The following SPTBN4 variants were observed in gnomAD, a reference collection of about 807,000 sequenced individuals.
SPTBN4 encodes the protein spectrin beta chain, non-erythrocytic 4.
Under a neutral mutation model 277.8 loss-of-function variants are expected in SPTBN4, and 96 were observed. The observed-to-expected ratio is 0.35, with a 90% confidence interval of 0.29 to 0.41. SPTBN4 has a LOEUF of 0.41. SPTBN4 is among the 10% of genes least tolerant of loss of function. SPTBN4 has a pLI of 1.00. For missense variants in SPTBN4, 3,006 were observed against 3,595.7 expected, an observed-to-expected ratio of 0.84 and a Z score of 4.19; for synonymous variants, 1,481 against 1,580.3, an observed-to-expected ratio of 0.94 and a Z score of 1.49.
chr19:40,519,490 A>C lies in SPTBN4; in HGVS notation c.2993A>C (p.Glu998Ala), dbSNP rs780066183. The C allele has an allele frequency of 1.5e-5, 24 of 1,609,104 alleles. No homozygotes were observed. The highest frequency in any genetic ancestry group is 2.0e-5 in the Non-Finnish European group (23 of 1,178,484). Residue 998 changes from glutamate (E) to alanine (A), a missense_variant, in exon 16 of 36, where the codon GAG (glutamate) becomes GCG (alanine). This residue lies in a region of SPTBN4 where 1,759 missense variants were observed against 2,061.5 expected (regional missense o/e 0.85). Coordinates refer to ENST00000598249, the MANE Select transcript of SPTBN4 (RefSeq NM_020971.3). The surrounding 1 kb of genome is among the most constrained non-coding windows in gnomAD (Gnocchi z 5.7). ...LVENHVLEVAEVRAQVREKRR... is the reference protein window; with the variant it reads ...LVENHVLEVAAVRAQVREKRR... ...GAGAACCACGTGCTGGAGGTGGCCGAGGTGCGCGCCCAGGTGCGTGAGAAG... is the reference window on the plus strand; with the variant it reads ...GAGAACCACGTGCTGGAGGTGGCCGCGGTGCGCGCCCAGGTGCGTGAGAAG...
chr19:40,562,447 T>C (rs2081051958), intron 27 of SPTBN4, among the ~76,000 whole-genome samples: 1 of 150,292 alleles, frequency 6.7e-6, no homozygotes, highest in Admixed American at 6.7e-5. Context: ...GGAGAATTGC[T>C]TGAACCTGGA....
chr19:40,513,521 A>C lies in SPTBN4; in HGVS notation c.2732A>C (p.Asp911Ala). The C allele has an allele frequency of 6.3e-7, 1 of 1,592,866 alleles. No individual in the cohort carries two copies. Among genetic ancestry groups the C allele is most frequent in the Non-Finnish European group, 8.5e-7 (1 of 1,174,824 alleles). ...EQWLLSMRVP[D>A]SLDDVEVVQH... ...TGGCTGCTCTCCATGCGTGTGCCGG[A>C]TTCACTCGACGACGTCGAGGTGGTG... The change falls in exon 14 of 36, where the codon GAT (aspartate) becomes GCT (alanine). Residue 911 changes from aspartate to alanine, a missense_variant. Physicochemically the swap from Asp to Ala is moderately radical, Grantham distance 126. This residue lies in a region of SPTBN4 where 1,759 missense variants were observed against 2,061.5 expected (regional missense o/e 0.85). Coordinates refer to ENST00000598249, the MANE Select transcript of SPTBN4 (RefSeq NM_020971.3).
In SPTBN4 at chr19:40,576,373, G is replaced by A; in HGVS notation, c.*804G>A. 1 of 153,434 alleles carries A rather than the reference G, an allele frequency of 6.5e-6. No individual in the cohort carries two copies. The highest frequency in any genetic ancestry group is 1.5e-5 in the Non-Finnish European group (1 of 68,604). 9.5% of individuals were successfully genotyped at this position (153,434 alleles called of 1,614,324 possible). ...TGGGTTGTGGGCAGTCCCCATGGCC[G>A]CCTGGAGAAGCCGCTGGGGCCCGGG... On this transcript the variant is annotated 3_prime_UTR_variant, in exon 36 of 36. Transcript: ENST00000598249.
intron 2 of SPTBN4, among the ~76,000 whole-genome samples, chr19:40,477,019 G>A (rs529931097): frequency 1.4e-5 from 2 of 145,702 alleles, no homozygotes; most frequent in Non-Finnish European, 3.0e-5. Flanking sequence ...ACTCCCAGCT[G>A]TAGAATTTAT....
chr19:40,512,814 G>A lies in SPTBN4; in HGVS notation c.2025G>A (p.Ala675=). The part of the protein sequence containing the change: ...RLLEAAGGGG[A]AGAAGAAGTA... ...TGGAGGCTGCGGGCGGCGGCGGTGC[G>A]GCGGGCGCAGCGGGCGCAGCGGGAA... is the stretch of plus-strand genomic sequence containing the variant. The change falls in exon 14 of 36, where the codon GCG becomes GCA. Residue 675 remains alanine (A), a synonymous_variant. Transcript: ENST00000598249. The A allele has an allele frequency of 6.9e-7, 1 of 1,451,584 alleles. No homozygotes were observed. Among genetic ancestry groups the A allele is most frequent in the Non-Finnish European group, 9.0e-7 (1 of 1,115,476 alleles). The allele number at this position is 1,451,584 out of a possible 1,614,324, so 89.9% of individuals were successfully genotyped here.
chr19:40,519,422 A>G lies in SPTBN4; in HGVS notation c.2925A>G (p.Leu975=), dbSNP rs1297511365. ...LNSRWNRIVE[L]VEQRKEEMSA... ...GCAGGTGGAACCGCATCGTGGAGCTAGTGGAACAGCGCAAAGAGGAAATGA... is the reference window on the plus strand; with the variant it reads ...GCAGGTGGAACCGCATCGTGGAGCTGGTGGAACAGCGCAAAGAGGAAATGA... The change falls in exon 16 of 36, where the codon CTA becomes CTG. Residue 975 remains leucine (L), a synonymous_variant. Transcript: ENST00000598249. This position sits in a 1 kb window ranked among gnomAD's most constrained non-coding sequence, Gnocchi z 5.7. The G allele has an allele frequency of 6.3e-7, 1 of 1,585,444 alleles. No homozygotes were observed. The highest frequency in any genetic ancestry group is 1.4e-5 in the African/African-American group (1 of 72,974).
At position 40,576,233 on chromosome 19, in the gene SPTBN4, T is replaced by G. The variant is rs527239145; in HGVS notation, c.*664T>G. The G allele has an allele frequency of 3.3e-5, 5 of 152,576 alleles. No individual in the cohort carries two copies. The highest frequency in any genetic ancestry group is 1.2e-4 in the African/African-American group (5 of 41,522). The allele number at this position is 152,576 out of a possible 1,614,324, so 9.5% of individuals were successfully genotyped here. ...GGAGGGGCGTCAAAGCTCAAAACTG[T>G]TTTCCTCTCTCCTCCCCCCTCCAGT... On this transcript the variant is annotated 3_prime_UTR_variant, in exon 36 of 36. Transcript: ENST00000598249.
Position 40,519,661 on chromosome 19 carries a change from A to C in SPTBN4, c.3164A>C (p.Gln1055Pro). The C allele has an allele frequency of 7.2e-7, 1 of 1,394,450 alleles. No homozygotes were observed. The highest frequency in any genetic ancestry group is 9.2e-7 in the Non-Finnish European group (1 of 1,085,860). 86.4% of individuals were successfully genotyped at this position (1,394,450 alleles called of 1,614,324 possible). A position where few individuals can be genotyped will look rare whatever the true frequency, so the allele number is the denominator to read the frequency against. Residue 1055 changes from glutamine to proline, a missense_variant, in exon 16 of 36, where the codon CAG (glutamine) becomes CCG (proline). Gln to Pro is a moderately conservative substitution (Grantham distance 76, BLOSUM62 -1). Coordinates refer to ENST00000598249, the MANE Select transcript of SPTBN4 (RefSeq NM_020971.3). The surrounding 1 kb of genome is among the most constrained non-coding windows in gnomAD (Gnocchi z 5.7). ...CTGCTGGCTGAGCGCTTCCCGGCGCAGGCGGCGCGGCTGCACCAGGGCGCG... is the reference window on the plus strand; with the variant it reads ...CTGCTGGCTGAGCGCTTCCCGGCGCCGGCGGCGCGGCTGCACCAGGGCGCG... ...AALLAERFPA[Q>P]AARLHQGAEE...
At chr19:40,505,620 A>T (rs1171859006) in intron 12 of SPTBN4, among the ~76,000 whole-genome samples, 2 of 151,610 alleles carry the variant, frequency 1.3e-5, no homozygotes. Flanking sequence ...CAGTGAGCTG[A>T]GATCGCGCCA....
chr19:40,523,297 A>C, intron 16 of SPTBN4, 140 bp from the exon 17 acceptor site: 2 of 780,564 alleles, frequency 2.6e-6, no homozygotes, highest in East Asian at 5.5e-5. Context: ...AGCATGGGCA[A>C]CAGCCCCGAG....
intron 2 of SPTBN4, among the ~76,000 whole-genome samples, chr19:40,476,381 C>T (rs1250890158): frequency 2.7e-5 from 4 of 150,020 alleles, no homozygotes; most frequent in South Asian, 4.2e-4. Flanking sequence ...AGAGAGAAAT[C>T]TGTATATGCC....
At chr19:40,559,480 T>C (rs1443490560) in intron 26 of SPTBN4, among the ~76,000 whole-genome samples, 1 of 152,158 alleles carries the variant, frequency 6.6e-6, no homozygotes, top group African/African-American at 2.4e-5. Context: ...AGACTCCATC[T>C]CTATTACAAC....
chr19:40,502,087 C>A lies in SPTBN4; in HGVS notation c.898-41C>A. The A allele has an allele frequency of 6.2e-7, 1 of 1,613,258 alleles. No individual in the cohort carries two copies. Among genetic ancestry groups the A allele is most frequent in the Non-Finnish European group, 8.5e-7 (1 of 1,179,744 alleles). Reference sequence around the variant, plus strand: ...GGAAGCTGGAAGCTGGTGGCAGGCACGGGTGGGATGAGGCTGACCCCCCTT... The same window carrying A: ...GGAAGCTGGAAGCTGGTGGCAGGCAAGGGTGGGATGAGGCTGACCCCCCTT... On this transcript the variant is annotated intron_variant, in intron 8 of 35. Coordinates refer to ENST00000598249, the MANE Select transcript of SPTBN4 (RefSeq NM_020971.3). The surrounding 1 kb of genome is among the most constrained non-coding windows in gnomAD (Gnocchi z 4.9).
intron 19 of SPTBN4, 24 bp downstream of exon 19, chr19:40,532,795 G>A: frequency 6.3e-7 from 1 of 1,596,118 alleles, no homozygotes; most frequent in Non-Finnish European, 8.5e-7. Context: ...TGGCCCCTCT[G>A]CCTGTGCCAG....
chr19:40,512,405 G>C (rs1019388944), intron 13 of SPTBN4, among the ~76,000 whole-genome samples: 2 of 152,326 alleles, frequency 1.3e-5, no homozygotes, highest in African/African-American at 4.8e-5. Context: ...GGCTAGGATG[G>C]GGAAGCAGAG....
intron 27 of SPTBN4, among the ~76,000 whole-genome samples, chr19:40,561,088 A>G (rs1040395881): frequency 6.6e-6 from 1 of 151,948 alleles, no homozygotes. Context: ...ATATCACCTC[A>G]CTGCAACCTC....
At chr19:40,550,480 T>C (rs1359302075) in intron 22 of SPTBN4, among the ~76,000 whole-genome samples, 153 bp downstream of exon 22, 2 of 150,760 alleles carry the variant, frequency 1.3e-5, no homozygotes, top group African/African-American at 2.5e-5. Context: ...GGTGCTTCCA[T>C]ATATTTTCAT....
chr19:40,497,701 C>A, intron 7 of SPTBN4, 97 bp downstream of exon 7: 1 of 1,004,984 alleles, frequency 1.0e-6, no homozygotes, highest in Non-Finnish European at 1.5e-6. Flanking sequence ...AGCACCATCC[C>A]AAATCCTGAG....
intron 1 of SPTBN4, among the ~76,000 whole-genome samples, chr19:40,467,687 C>T (rs553888072): frequency 2.0e-5 from 3 of 151,544 alleles, no homozygotes; most frequent in Non-Finnish European, 2.9e-5. Context: ...CTATTACCTG[C>T]TCCCTTCCTT....
Sources: allele counts gnomAD v4.1 joint callset (sites outside exome capture counted in the v4.1 genomes callset), GRCh38; gene constraint gnomAD v4.1.1; regional missense constraint gnomAD v4.1.1; non-coding constraint Gnocchi (gnomAD v3.1); transcripts MANE v1.5; gene names NCBI Gene and HGNC (gene_info 2026-07-23, HGNC 2026-07-21).